Variants in PABPC4L observed in about 807,000 individuals in gnomAD.
PABPC4L encodes poly(A) binding protein cytoplasmic 4 like, also known as polyadenylate-binding protein 4-like.
For missense variants in PABPC4L, 452 were observed against 451.4 expected (o/e 1.00, Z -0.01); for synonymous variants, 169 against 164.1 (o/e 1.03, Z -0.23).
chr4:134,123,113 C>T, the PABPC4L span, among the ~76,000 whole-genome samples: 41 of 152,028 alleles, frequency 2.7e-4, no homozygotes, highest in African/African-American at 9.4e-4. Flanking sequence ...TCAATATAGA[C>T]TTGTTTTATG....
At chr4:134,104,951 A>C in the PABPC4L span, among the ~76,000 whole-genome samples, 1 of 151,958 alleles carries the variant, frequency 6.6e-6, no homozygotes, top group African/African-American at 2.4e-5. Context: ...GTCTTAATAA[A>C]GTTGAGATAT....
chr4:134,112,604 ATCTATC>A, the PABPC4L span, among the ~76,000 whole-genome samples: 1 of 151,248 alleles, frequency 6.6e-6, no homozygotes, highest in African/African-American at 2.4e-5. Context: ...CTATCTATCT[ATCTATC>A]TATCTATATA....
At chr4:134,046,305 G>T in the PABPC4L span, among the ~76,000 whole-genome samples, 1 of 152,154 alleles carries the variant, frequency 6.6e-6, no homozygotes, top group Non-Finnish European at 1.5e-5. Flanking sequence ...ATGCCTGGAT[G>T]TGCACGTAGG....
chr4:134,193,812 T>G (rs1049917381), downstream of PABPC4L, among the ~76,000 whole-genome samples: 1 of 151,866 alleles, frequency 6.6e-6, no homozygotes, highest in African/African-American at 2.4e-5. Flanking sequence ...AAAAAAGGAG[T>G]TAGTTATATC....
At chr4:134,047,350 A>G in the PABPC4L span, among the ~76,000 whole-genome samples, 14 of 152,216 alleles carry the variant, frequency 9.2e-5, no homozygotes, top group Non-Finnish European at 1.9e-4. Context: ...CCAGCCCTGA[A>G]CAAAGAACAG....
At chr4:134,144,861 A>C in the PABPC4L span, among the ~76,000 whole-genome samples, 1 of 151,622 alleles carries the variant, frequency 6.6e-6, no homozygotes, top group Admixed American at 6.6e-5. Flanking sequence ...ATTCTGCCCT[A>C]ATTTGTGTAA....
the PABPC4L span, among the ~76,000 whole-genome samples, chr4:134,044,466 G>T: frequency 6.6e-6 from 1 of 151,824 alleles, no homozygotes; most frequent in East Asian, 2.0e-4. Flanking sequence ...GTGTTTCACC[G>T]TGTTAGCCAG....
chr4:134,184,650 C>T, the PABPC4L span, among the ~76,000 whole-genome samples: 1 of 151,944 alleles, frequency 6.6e-6, no homozygotes, highest in Non-Finnish European at 1.5e-5. Flanking sequence ...TCTCCATTCA[C>T]CTACTGAAGG....
chr4:134,150,311 T>C, the PABPC4L span, among the ~76,000 whole-genome samples: 1 of 152,172 alleles, frequency 6.6e-6, no homozygotes, highest in African/African-American at 2.4e-5. Context: ...CTCAAACTCC[T>C]GATCTCACTT....
the PABPC4L span, among the ~76,000 whole-genome samples, chr4:134,085,251 T>C: frequency 6.6e-6 from 1 of 152,094 alleles, no homozygotes; most frequent in African/African-American, 2.4e-5. Context: ...CATAAACTTT[T>C]ATAAATTTTA....
At chr4:134,063,010 T>C in the PABPC4L span, among the ~76,000 whole-genome samples, 1 of 152,130 alleles carries the variant, frequency 6.6e-6, no homozygotes, top group Non-Finnish European at 1.5e-5. Context: ...TTTCAACCAG[T>C]CTTCTCTCAT....
At chr4:134,191,451 A>AG (rs760382723), downstream of PABPC4L, among the ~76,000 whole-genome samples, 1 of 152,140 alleles carries the variant, frequency 6.6e-6, no homozygotes, top group Non-Finnish European at 1.5e-5. Flanking sequence ...CTATAAAGTA[A>AG]GTCTCAATAA....
the PABPC4L span, among the ~76,000 whole-genome samples, chr4:134,165,751 G>C: frequency 1.8e-4 from 27 of 152,220 alleles, no homozygotes; most frequent in African/African-American, 6.5e-4. Flanking sequence ...ACTCAGAGTA[G>C]ATCTGTTATT....
the PABPC4L span, among the ~76,000 whole-genome samples, chr4:134,181,256 C>G: frequency 3.9e-5 from 6 of 151,910 alleles, no homozygotes; most frequent in Admixed American, 3.3e-4. Context: ...ATAAACAGAA[C>G]TAAAAGCAAA....
At chr4:134,046,568 G>T in the PABPC4L span, among the ~76,000 whole-genome samples, 1 of 152,102 alleles carries the variant, frequency 6.6e-6, no homozygotes, top group African/African-American at 2.4e-5. Flanking sequence ...GACCCCTTAC[G>T]GGTATGGGGC....
chr4:134,193,015 T>TAAG (rs1729555409), downstream of PABPC4L, among the ~76,000 whole-genome samples: 1 of 152,074 alleles, frequency 6.6e-6, no homozygotes, highest in Non-Finnish European at 1.5e-5. Flanking sequence ...ATATTACCTC[T>TAAG]TTAACATAAG....
the PABPC4L span, among the ~76,000 whole-genome samples, chr4:134,122,963 G>A: frequency 6.6e-6 from 1 of 151,648 alleles, no homozygotes; most frequent in Non-Finnish European, 1.5e-5. Flanking sequence ...TTTGCAATTA[G>A]GAATACAGAC....
the PABPC4L span, among the ~76,000 whole-genome samples, chr4:134,067,414 T>C: frequency 6.6e-6 from 1 of 152,116 alleles, no homozygotes; most frequent in East Asian, 1.9e-4. Flanking sequence ...TTGGATCTTC[T>C]TTCTTTTTTC....
the PABPC4L span, among the ~76,000 whole-genome samples, chr4:134,074,627 C>T: frequency 0.48 from 73,587 of 151,946 alleles, 18,739 homozygotes; most frequent in East Asian, 0.93. Context: ...TCTCATGCTG[C>T]TATGGAGAAA....
Sources: allele counts gnomAD v4.1 joint callset (sites outside exome capture counted in the v4.1 genomes callset), GRCh38; gene constraint gnomAD v4.1.1; transcripts MANE v1.5; gene names NCBI Gene and HGNC (gene_info 2026-07-23, HGNC 2026-07-21).